STARD13: variants seen among roughly 807,000 people sequenced by gnomAD.
STARD13 encodes stAR-related lipid transfer protein 13.
STARD13 carries 62 observed loss-of-function variants against 106.4 expected under a neutral mutation model. The observed-to-expected ratio is 0.58, with a 90% CI of 0.48 to 0.72. The LOEUF is 0.72. STARD13 is among the 30% of genes least tolerant of loss of function. The probability of loss-of-function intolerance (pLI) is 0.00; values close to 1 mark genes in which losing one functional copy is unlikely to be tolerated. For missense variants in STARD13, 1,387 were observed against 1,424.0 expected (o/e 0.97, Z 0.42); for synonymous variants, 565 against 553.0 (o/e 1.02, Z -0.31).
chr13:33,308,854 C>A (rs1170839993), intron 1 of STARD13, among the ~76,000 whole-genome samples: 1 of 152,142 alleles, frequency 6.6e-6, no homozygotes, highest in Non-Finnish European at 1.5e-5. Flanking sequence ...GATGTCTTGG[C>A]AAAGCATGAT....
chr13:33,292,971 C>T (rs533175696), intron 1 of STARD13, among the ~76,000 whole-genome samples: 8 of 152,200 alleles, frequency 5.3e-5, no homozygotes, highest in South Asian at 2.1e-4. Context: ...TCCAGCTCCC[C>T]GTTAGCCTCC....
At chr13:33,140,392 C>A (rs1879658827) in intron 4 of STARD13, among the ~76,000 whole-genome samples, 1 of 152,196 alleles carries the variant, frequency 6.6e-6, no homozygotes, top group Non-Finnish European at 1.5e-5. Context: ...AACATCTGAC[C>A]CTCATGCTTC....
intron 1 of STARD13, among the ~76,000 whole-genome samples, chr13:33,227,638 A>G (rs1374141444): frequency 1.3e-5 from 2 of 152,146 alleles, no homozygotes; most frequent in South Asian, 4.2e-4. Flanking sequence ...TACCCTGAAA[A>G]AGGTAATTTA....
At chr13:33,670,562 C>T in the STARD13 span, among the ~76,000 whole-genome samples, 1 of 152,154 alleles carries the variant, frequency 6.6e-6, no homozygotes, top group African/African-American at 2.4e-5. Context: ...GTAGCTTGAG[C>T]TCATTATTCC....
At chr13:33,400,465 A>ATT in the STARD13 span, among the ~76,000 whole-genome samples, 1,747 of 140,590 alleles carry the variant, frequency 0.012, 21 homozygotes, top group Middle Eastern at 0.047. Context: ...TTCAATGGCT[A>ATT]TTTTTTTTTT....
intron 1 of STARD13, among the ~76,000 whole-genome samples, chr13:33,265,129 C>A (rs1035162952): frequency 4.6e-5 from 7 of 152,276 alleles, no homozygotes; most frequent in Admixed American, 3.9e-4. Flanking sequence ...AGCTTCCTTA[C>A]TCATCTCATT....
intron 1 of STARD13, among the ~76,000 whole-genome samples, chr13:33,282,777 C>T (rs184732618): frequency 3.3e-5 from 5 of 152,216 alleles, no homozygotes; most frequent in African/African-American, 9.6e-5. Context: ...TTGTAATCCC[C>T]GCACTTTGTG....
At chr13:33,131,208 T>G (rs1878237434) in intron 4 of STARD13, among the ~76,000 whole-genome samples, 1 of 152,226 alleles carries the variant, frequency 6.6e-6, no homozygotes, top group East Asian at 1.9e-4. Flanking sequence ...TGAAATAAAC[T>G]GAATCATCGG....
intron 1 of STARD13, among the ~76,000 whole-genome samples, chr13:33,329,069 G>C (rs1463076202): frequency 2.0e-5 from 3 of 152,074 alleles, no homozygotes; most frequent in Non-Finnish European, 4.4e-5. Flanking sequence ...CTTTTCTTCT[G>C]GCTTATTTTC....
At chr13:33,379,962 G>A in the STARD13 span, among the ~76,000 whole-genome samples, 2 of 152,094 alleles carry the variant, frequency 1.3e-5, no homozygotes, top group Admixed American at 1.3e-4. Context: ...CTGCACTCAA[G>A]GACAATGTTC....
At chr13:33,337,308 T>C (rs1327949511) in intron 1 of STARD13, among the ~76,000 whole-genome samples, 1 of 151,652 alleles carries the variant, frequency 6.6e-6, no homozygotes, top group South Asian at 2.1e-4. Flanking sequence ...TTTAATGAAC[T>C]AATCTATTAT....
the STARD13 span, among the ~76,000 whole-genome samples, chr13:33,585,338 A>G: frequency 6.6e-6 from 1 of 152,234 alleles, no homozygotes; most frequent in Non-Finnish European, 1.5e-5. Context: ...CTATGCTCAT[A>G]ACATCATTAT....
chr13:33,151,001 G>C lies in STARD13; in HGVS notation c.324-8628C>G, dbSNP rs1045739504. 4.6e-5 allele frequency among the ~76,000 whole-genome samples: 7 copies of C among 152,158 alleles called. No individual in the cohort carries two copies. In the South Asian group the frequency reaches 1.5e-3, roughly 32 times the overall value. ...GAATCTCATGGTCCCATGTGGGATA[G>C]AAACATGATTAAAAAGAGAAGAAGC... On this transcript the variant is annotated intron_variant, in intron 3 of 13. Coordinates refer to ENST00000336934, the MANE Select transcript of STARD13 (RefSeq NM_178006.4).
At chr13:33,201,297 T>C (rs762721760) in intron 1 of STARD13, among the ~76,000 whole-genome samples, 2 of 152,142 alleles carry the variant, frequency 1.3e-5, no homozygotes, top group African/African-American at 2.4e-5. Flanking sequence ...GATGTGGTGA[T>C]GGATGATGTA....
At chr13:33,106,650 G>A in intron 13 of STARD13, 108 bp downstream of exon 13, 1 of 1,067,222 alleles carries the variant, frequency 9.4e-7, no homozygotes, top group Non-Finnish European at 1.3e-6. Context: ...TGGCAATGAG[G>A]AAACAAATAC....
chr13:33,325,656 G>A (rs2077765104), intron 1 of STARD13, among the ~76,000 whole-genome samples: 1 of 152,086 alleles, frequency 6.6e-6, no homozygotes. Context: ...ACCTTAGAAA[G>A]TCATCTTGAG....
At chr13:33,123,296 A>G (rs1448801190) in intron 7 of STARD13, among the ~76,000 whole-genome samples, 1 of 152,166 alleles carries the variant, frequency 6.6e-6, no homozygotes, top group Admixed American at 6.5e-5. Context: ...ATTCCATCTG[A>G]ATAATATTAA....
intron 1 of STARD13, among the ~76,000 whole-genome samples, chr13:33,252,842 G>T (rs1594169329): frequency 6.6e-6 from 1 of 152,316 alleles, no homozygotes; most frequent in Admixed American, 6.5e-5. Context: ...TACGACGAGG[G>T]TTGTAAAGGA....
chr13:33,117,977 G>T (rs780525730), intron 8 of STARD13, 88 bp downstream of exon 8: 31 of 1,579,256 alleles, frequency 2.0e-5, no homozygotes, highest in Non-Finnish European at 2.7e-5. Context: ...TGTATTATTC[G>T]TATAATTAAA....
Sources: gnomAD v4.1 joint callset for allele counts (sites outside exome capture counted in the v4.1 genomes callset) on GRCh38, gnomAD v4.1.1 for gene constraint, MANE v1.5 for transcripts, NCBI Gene and HGNC (gene_info 2026-07-23, HGNC 2026-07-21) for gene names.